Variants in ANKRD30A observed in about 807,000 individuals in gnomAD.
ANKRD30A encodes ankyrin repeat domain-containing protein 30A.
ANKRD30A carries 170 observed loss-of-function variants against 166.3 expected under a neutral mutation model. That is an observed-to-expected ratio of 1.02 (90% CI 0.90 to 1.16). The LOEUF is 1.16. Ranked by LOEUF, ANKRD30A falls within the 50% of genes most tolerant of loss-of-function variation. The probability of loss-of-function intolerance (pLI) is 0.00; values close to 1 mark genes in which losing one functional copy is unlikely to be tolerated. For missense variants in ANKRD30A, 1,630 were observed against 1,518.0 expected, an observed-to-expected ratio of 1.07 and a Z score of -1.23; for synonymous variants, 564 against 508.9, an observed-to-expected ratio of 1.11 and a Z score of -1.46.
At chr10:37,155,847 C>T (rs1287376391) in intron 13 of ANKRD30A, among the ~76,000 whole-genome samples, 5 of 151,932 alleles carry the variant, frequency 3.3e-5, no homozygotes, top group African/African-American at 7.3e-5. Context: ...TTTGGGAGGG[C>T]GACGCGGGCG....
intron 7 of ANKRD30A, among the ~76,000 whole-genome samples, chr10:37,142,569 A>C (rs1416139614): frequency 8.5e-6 from 1 of 117,378 alleles, no homozygotes; most frequent in Non-Finnish European, 1.7e-5. Flanking sequence ...ATAGGATCAC[A>C]CTTTTTTTTT....
chr10:37,219,629 A>G lies in ANKRD30A; in HGVS notation c.3917A>G (p.Gln1306Arg). 1 of 1,610,276 alleles carries G rather than the reference A, an allele frequency of 6.2e-7. No homozygotes were observed. The highest frequency in any genetic ancestry group is 8.5e-7 in the Non-Finnish European group (1 of 1,177,642). ...GCTGAACACATGTATCAAAACGAAC[A>G]AGATAATGTGAACAAACACACTGAA... is the stretch of plus-strand genomic sequence containing the variant. ...KEAEHMYQNE[Q>R]DNVNKHTEQQ... The change falls in exon 34 of 36, where the codon CAA (glutamine) becomes CGA (arginine). Residue 1306 changes from glutamine to arginine, a missense_variant. Around this residue, in one of 4 missense-constraint regions of ANKRD30A, gnomAD observed 712 missense variants for 629.3 expected, o/e 1.13. Transcript: ENST00000361713.
chr10:37,139,142 G>A (rs1836928467), intron 6 of ANKRD30A, among the ~76,000 whole-genome samples: 1 of 152,182 alleles, frequency 6.6e-6, no homozygotes, highest in African/African-American at 2.4e-5. Flanking sequence ...CATAAGTGAA[G>A]GAGAAATAAA....
the ANKRD30A span, among the ~76,000 whole-genome samples, chr10:37,254,370 A>G: frequency 2.6e-5 from 4 of 151,978 alleles, no homozygotes; most frequent in African/African-American, 7.3e-5. Flanking sequence ...ATCCTCACCA[A>G]CACTGGTTAT....
chr10:37,230,079 A>G (rs1588965770), intron 34 of ANKRD30A, among the ~76,000 whole-genome samples: 3 of 152,010 alleles, frequency 2.0e-5, no homozygotes, highest in African/African-American at 4.8e-5. Flanking sequence ...TATTGTTTCA[A>G]TAAATAAGAT....
the ANKRD30A span, among the ~76,000 whole-genome samples, chr10:37,255,564 T>C: frequency 6.6e-6 from 1 of 152,188 alleles, no homozygotes; most frequent in Non-Finnish European, 1.5e-5. Flanking sequence ...TGTGCAATCA[T>C]CACAACTATG....
the ANKRD30A span, among the ~76,000 whole-genome samples, chr10:37,251,236 A>G: frequency 6.6e-6 from 1 of 152,200 alleles, no homozygotes; most frequent in South Asian, 2.1e-4. Flanking sequence ...TGAGCTCCAG[A>G]GAACTAGGAT....
chr10:37,245,463 G>C, the ANKRD30A span, among the ~76,000 whole-genome samples: 1 of 151,812 alleles, frequency 6.6e-6, no homozygotes, highest in Admixed American at 6.6e-5. Flanking sequence ...ATAAATGTGG[G>C]TACAATTGGT....
chr10:37,250,392 G>C, the ANKRD30A span, among the ~76,000 whole-genome samples: 3 of 152,202 alleles, frequency 2.0e-5, no homozygotes, highest in African/African-American at 7.2e-5. Flanking sequence ...GACCTGAGTT[G>C]TTGTGGCTAT....
At chr10:37,158,621 G>C in intron 15 of ANKRD30A, 35 bp downstream of exon 15, 1 of 1,605,452 alleles carries the variant, frequency 6.2e-7, no homozygotes, top group Non-Finnish European at 8.5e-7. Flanking sequence ...CTCTGGAAAG[G>C]AGAATATTAA....
intron 24 of ANKRD30A, among the ~76,000 whole-genome samples, chr10:37,178,912 T>TA (rs1839947065): frequency 6.6e-6 from 1 of 150,566 alleles, no homozygotes; most frequent in Admixed American, 6.6e-5. Flanking sequence ...TGCAGAATGT[T>TA]AGAGTGTGGG....
At chr10:37,137,515 C>T (rs889997120) in intron 6 of ANKRD30A, among the ~76,000 whole-genome samples, 3 of 152,174 alleles carry the variant, frequency 2.0e-5, no homozygotes, top group African/African-American at 7.2e-5. Flanking sequence ...AAAATCGGGT[C>T]ACTCCCACCT....
intron 1 of ANKRD30A, 113 bp downstream of exon 1, chr10:37,126,121 G>A (rs915719437): frequency 3.4e-6 from 4 of 1,160,236 alleles, no homozygotes; most frequent in Non-Finnish European, 5.0e-6. Context: ...AGGTGGAGGA[G>A]TAACGGGCAG....
the ANKRD30A span, among the ~76,000 whole-genome samples, chr10:37,251,352 C>G: frequency 1.3e-5 from 2 of 151,990 alleles, no homozygotes; most frequent in Non-Finnish European, 2.9e-5. Context: ...AATTTATTCT[C>G]CTCCCTCCCA....
rs181996317 is a variant in ANKRD30A at position 37,144,482 on chromosome 10, T to C, written c.1394-513T>C. Among the ~76,000 whole-genome samples, 506 of 152,348 alleles carry C rather than the reference T, an allele frequency of 3.3e-3. 3 individuals carry two copies. Among genetic ancestry groups the C allele is most frequent in the African/African-American group, 0.012 (488 of 41,590 alleles). ...TAAAACACATACACACCAAATATACTGTCATGGCATATTGAAATTTAAAAG... is the reference window on the plus strand; with the variant it reads ...TAAAACACATACACACCAAATATACCGTCATGGCATATTGAAATTTAAAAG... On this transcript the variant is annotated intron_variant, in intron 7 of 35. Coordinates refer to ENST00000361713, the MANE Select transcript of ANKRD30A (RefSeq NM_052997.3).
intron 6 of ANKRD30A, among the ~76,000 whole-genome samples, chr10:37,140,431 A>G (rs1222063059): frequency 6.6e-6 from 1 of 152,238 alleles, no homozygotes; most frequent in Non-Finnish European, 1.5e-5. Context: ...ATTATTTTCC[A>G]AAGATACCTA....
At chr10:37,182,844 T>G (rs1487979591) in intron 24 of ANKRD30A, among the ~76,000 whole-genome samples, 1 of 149,868 alleles carries the variant, frequency 6.7e-6, no homozygotes, top group South Asian at 2.2e-4. Context: ...GGTCCGCCCG[T>G]CTCGGCCTCC....
the ANKRD30A span, among the ~76,000 whole-genome samples, chr10:37,261,220 A>G: frequency 1.3e-5 from 2 of 152,152 alleles, no homozygotes; most frequent in Non-Finnish European, 2.9e-5. Context: ...TGTCATATAC[A>G]TTGTTATAGA....
chr10:37,212,852 T>C (rs756401845), intron 31 of ANKRD30A, among the ~76,000 whole-genome samples: 1 of 151,946 alleles, frequency 6.6e-6, no homozygotes, highest in Non-Finnish European at 1.5e-5. Flanking sequence ...TTTTTCAGTT[T>C]TGTCAAAGAT....
Sources: gnomAD v4.1 joint callset for allele counts (sites outside exome capture counted in the v4.1 genomes callset) on GRCh38, gnomAD v4.1.1 for gene constraint, gnomAD v4.1.1 regional missense constraint, MANE v1.5 for transcripts, NCBI Gene and HGNC (gene_info 2026-07-23, HGNC 2026-07-21) for gene names.